Variants in BMP6 observed in about 807,000 individuals in gnomAD.
The protein encoded by BMP6 is bone morphogenetic protein 6, also known as VG-1-R.
In BMP6, 17 loss-of-function variants were observed where a neutral mutation model predicts 54.1. The ratio of observed to expected loss-of-function variants is 0.31; its 90% confidence interval spans 0.22 to 0.47. The LOEUF (loss-of-function observed/expected upper bound fraction) is 0.47. Among genes scored for constraint, BMP6 ranks in the 20% least tolerant of loss-of-function variants. The pLI, the probability that BMP6 is intolerant of heterozygous loss-of-function variation, is 1.00. For missense variants in BMP6, 720 were observed against 690.4 expected (o/e 1.04, Z -0.48); for synonymous variants, 328 against 291.2 (o/e 1.13, Z -1.28).
chr6:7,824,984 T>C (rs1042497037), intron 1 of BMP6, among the ~76,000 whole-genome samples: 1 of 152,176 alleles, frequency 6.6e-6, no homozygotes, highest in Non-Finnish European at 1.5e-5. Flanking sequence ...ATCCCAGACA[T>C]TCACTATCGG....
chr6:7,848,236 C>T (rs1196460958), intron 2 of BMP6, among the ~76,000 whole-genome samples: 1 of 152,150 alleles, frequency 6.6e-6, no homozygotes, highest in Non-Finnish European at 1.5e-5. Context: ...AGTGACTTGC[C>T]ATTGATCAGC....
chr6:7,739,365 C>T (rs755999762), intron 1 of BMP6, among the ~76,000 whole-genome samples: 1 of 152,112 alleles, frequency 6.6e-6, no homozygotes, highest in Non-Finnish European at 1.5e-5. Context: ...TCATCCTTCT[C>T]CAAATATTCT....
intron 1 of BMP6, among the ~76,000 whole-genome samples, chr6:7,778,496 C>T (rs755970008): frequency 8.5e-5 from 13 of 152,194 alleles, no homozygotes; most frequent in Non-Finnish European, 1.8e-4. Context: ...CTCCAAATCC[C>T]GTCTCTTGGC....
chr6:7,771,882 G>A (rs1219869387), intron 1 of BMP6, among the ~76,000 whole-genome samples: 4 of 152,150 alleles, frequency 2.6e-5, no homozygotes, highest in East Asian at 1.9e-4. Context: ...GTGAAACCCT[G>A]TCTCTACTAA....
intron 1 of BMP6, among the ~76,000 whole-genome samples, chr6:7,759,346 T>TA (rs1479184493): frequency 1.3e-5 from 2 of 152,154 alleles, no homozygotes; most frequent in South Asian, 2.1e-4. Flanking sequence ...CATGAGTAGA[T>TA]AAAAAATGCA....
At chr6:7,872,555 G>A (rs568052133) in intron 4 of BMP6, among the ~76,000 whole-genome samples, 16 of 152,274 alleles carry the variant, frequency 1.1e-4, no homozygotes, top group Non-Finnish European at 1.5e-4. Flanking sequence ...AGTGTCTGGC[G>A]CTAAAAGAAA....
At chr6:7,779,214 A>C (rs1352922659) in intron 1 of BMP6, among the ~76,000 whole-genome samples, 1 of 152,216 alleles carries the variant, frequency 6.6e-6, no homozygotes, top group Non-Finnish European at 1.5e-5. Flanking sequence ...ACGTTATTGA[A>C]GTGTCCCCAG....
chr6:7,786,034 A>G (rs1054635579), intron 1 of BMP6, among the ~76,000 whole-genome samples: 3 of 152,246 alleles, frequency 2.0e-5, no homozygotes, highest in Non-Finnish European at 2.9e-5. Context: ...TGTGCCCCTG[A>G]AGAGTCTTGA....
chr6:7,782,883 G>C (rs1200087879), intron 1 of BMP6, among the ~76,000 whole-genome samples: 1 of 152,134 alleles, frequency 6.6e-6, no homozygotes, highest in Admixed American at 6.5e-5. Flanking sequence ...GCAATTAACA[G>C]TTTAAAATAC....
At chr6:7,875,372 A>AC (rs1759598562) in intron 4 of BMP6, among the ~76,000 whole-genome samples, 1 of 152,072 alleles carries the variant, frequency 6.6e-6, no homozygotes, top group Non-Finnish European at 1.5e-5. Context: ...TCACAGATAC[A>AC]CCCCAAAATA....
At chr6:7,783,212 C>T (rs770898870) in intron 1 of BMP6, among the ~76,000 whole-genome samples, 8 of 152,014 alleles carry the variant, frequency 5.3e-5, no homozygotes, top group South Asian at 2.1e-4. Flanking sequence ...AAATACTCCC[C>T]GGGAAGGAAC....
chr6:7,790,325 G>A (rs1259753566), intron 1 of BMP6, among the ~76,000 whole-genome samples: 1 of 151,278 alleles, frequency 6.6e-6, no homozygotes, highest in African/African-American at 2.4e-5. Context: ...GACCAGCCTG[G>A]GCATCATGGT....
chr6:7,856,758 G>A lies in BMP6; in HGVS notation c.858-4693G>A, dbSNP rs371824529. 3.1e-3 allele frequency among the ~76,000 whole-genome samples: 465 copies of A among 150,056 alleles called. 4 individuals are homozygous for A. The highest frequency in any genetic ancestry group is 0.011 in the African/African-American group (436 of 40,552). On this transcript the variant is annotated intron_variant, in intron 2 of 6. Transcript: ENST00000283147. ...ACTACAGGCGCCCGCCACTACGCCCGGCTAATTTTTTGTATTTTTAGTAGA... is the reference window on the plus strand; with the variant it reads ...ACTACAGGCGCCCGCCACTACGCCCAGCTAATTTTTTGTATTTTTAGTAGA...
At chr6:7,855,594 C>T (rs761976989) in intron 2 of BMP6, among the ~76,000 whole-genome samples, 2 of 111,454 alleles carry the variant, frequency 1.8e-5, no homozygotes, top group Non-Finnish European at 3.3e-5. Context: ...ATGAGTTGTG[C>T]TCTGTCGCTC....
At chr6:7,761,064 C>T (rs754576092) in intron 1 of BMP6, among the ~76,000 whole-genome samples, 1 of 152,248 alleles carries the variant, frequency 6.6e-6, no homozygotes, top group African/African-American at 2.4e-5. Context: ...TTATATTCGG[C>T]ATTATCGTTA....
intron 1 of BMP6, among the ~76,000 whole-genome samples, chr6:7,816,169 T>TA (rs1236252299): frequency 6.6e-6 from 1 of 152,244 alleles, no homozygotes; most frequent in Non-Finnish European, 1.5e-5. Flanking sequence ...TGTGTGTACT[T>TA]ACACCATTGT....
Position 7,845,230 on chromosome 6 carries a change from C to A in BMP6, c.755C>A (p.Thr252Lys). 9.3e-6 allele frequency: 15 copies of A among 1,614,042 alleles called. No individual in the cohort carries two copies. Among genetic ancestry groups the A allele is most frequent in the African/African-American group, 1.3e-5 (1 of 75,040 alleles). ...LSQIPEGEVV[T>K]AAEFRIYKDC... ...CAGATTCCTGAGGGTGAGGTGGTGA[C>A]GGCTGCAGAATTCCGCATCTACAAG... The change falls in exon 2 of 7, where the codon ACG (threonine) becomes AAG (lysine). Residue 252 changes from threonine (T) to lysine (K), a missense_variant. Thr to Lys is a moderately conservative substitution (Grantham distance 78). Transcript: ENST00000283147.
At chr6:7,852,893 G>A (rs1327801648) in intron 2 of BMP6, among the ~76,000 whole-genome samples, 1 of 152,198 alleles carries the variant, frequency 6.6e-6, no homozygotes, top group Non-Finnish European at 1.5e-5. Context: ...AAGTGACCCA[G>A]GCTTCTATGA....
chr6:7,807,203 C>T (rs927400), intron 1 of BMP6, among the ~76,000 whole-genome samples: 58,516 of 151,836 alleles, frequency 0.39, 11,750 homozygotes, highest in Middle Eastern at 0.58. Context: ...TCCATCCTTT[C>T]GATATACAAA....
Sources: allele counts gnomAD v4.1 joint callset (sites outside exome capture counted in the v4.1 genomes callset), GRCh38; gene constraint gnomAD v4.1.1; transcripts MANE v1.5; gene names NCBI Gene and HGNC (gene_info 2026-07-23, HGNC 2026-07-21).